Variants in SND1 observed in about 807,000 individuals in gnomAD.
The protein encoded by SND1 is staphylococcal nuclease and tudor domain containing 1, also known as staphylococcal nuclease domain-containing protein 1.
Under a neutral mutation model 121.7 loss-of-function variants are expected in SND1, and 38 were observed. The observed-to-expected ratio is 0.31, with a 90% CI of 0.24 to 0.41. The LOEUF (loss-of-function observed/expected upper bound fraction) is 0.41, where lower values mean the gene tolerates loss of function less well. Ranked by LOEUF, SND1 falls within the 10% of genes least tolerant of loss-of-function variation. The pLI is 1.00. For missense variants in SND1, 868 were observed against 1,184.6 expected, an observed-to-expected ratio of 0.73 and a Z score of 3.92; for synonymous variants, 401 against 447.4, an observed-to-expected ratio of 0.90 and a Z score of 1.31.
chr7:127,754,875 C>T (rs1053047527), intron 10 of SND1, among the ~76,000 whole-genome samples: 2 of 152,228 alleles, frequency 1.3e-5, no homozygotes, highest in African/African-American at 4.8e-5. Context: ...TGATTTTCAT[C>T]AGCATTAAAA....
chr7:127,940,280 TC>T (rs1801165197), intron 15 of SND1, among the ~76,000 whole-genome samples: 1 of 152,182 alleles, frequency 6.6e-6, no homozygotes, highest in Non-Finnish European at 1.5e-5. Context: ...CTTGTGGCTT[TC>T]CCAGAGGAAT....
chr7:128,061,548 A>G (rs1793231330), intron 16 of SND1, among the ~76,000 whole-genome samples: 1 of 152,234 alleles, frequency 6.6e-6, no homozygotes, highest in Non-Finnish European at 1.5e-5. Flanking sequence ...ATACGTTTCT[A>G]GGTCACAAAC....
chr7:127,871,854 G>A (rs1325222119), intron 12 of SND1, among the ~76,000 whole-genome samples: 2 of 152,104 alleles, frequency 1.3e-5, no homozygotes, highest in East Asian at 3.9e-4. Context: ...TTATAGGCTG[G>A]GAGGAGGGAC....
intron 3 of SND1, among the ~76,000 whole-genome samples, chr7:127,698,015 G>T (rs769104511): frequency 1.5e-4 from 23 of 152,146 alleles, no homozygotes; most frequent in Non-Finnish European, 3.1e-4. Context: ...AGAAAACACT[G>T]AGCCTGAAAG....
rs573978139 is a variant in SND1 at position 127,913,813 on chromosome 7, A to G, written c.1527+8994A>G. 9.9e-5 allele frequency among the ~76,000 whole-genome samples: 15 copies of G among 152,250 alleles called. No individual in the cohort carries two copies. In the South Asian group the frequency reaches 1.7e-3, roughly 17 times the overall value. On this transcript the variant is annotated intron_variant, in intron 14 of 23. Transcript: ENST00000354725. ...ATAACACTACTTAGCCTTGGATTGA[A>G]CTCATTGTGTCCTGTGGCTATTGCT...
chr7:128,003,459 C>G (rs1802885164), intron 16 of SND1, among the ~76,000 whole-genome samples: 1 of 152,072 alleles, frequency 6.6e-6, no homozygotes, highest in Non-Finnish European at 1.5e-5. Flanking sequence ...TTAATGGTTA[C>G]CAGAAAAGGA....
chr7:127,785,384 A>G (rs1490528867), intron 10 of SND1, among the ~76,000 whole-genome samples: 1 of 152,204 alleles, frequency 6.6e-6, no homozygotes, highest in African/African-American at 2.4e-5. Flanking sequence ...CAGAAGTGAT[A>G]TTGATTCATC....
rs576957155 is a variant in SND1, at chr7:127,782,286, A to T, written c.1153-25198A>T. ...CAGGCAGAAAAGGGAAGTTAATTTA[A>T]TAGGATCCTAATCACAATAGTGGTT... On this transcript the variant is annotated intron_variant, in intron 10 of 23. Coordinates refer to ENST00000354725, the MANE Select transcript of SND1 (RefSeq NM_014390.4). Among the ~76,000 whole-genome samples, 10 of 152,344 alleles carry T rather than the reference A, an allele frequency of 6.6e-5. No individual in the cohort carries two copies. The South Asian group carries it at 1.9e-3, about 28-fold the overall frequency.
chr7:127,758,526 T>C (rs1797240569), intron 10 of SND1, among the ~76,000 whole-genome samples: 2 of 152,228 alleles, frequency 1.3e-5, no homozygotes, highest in Admixed American at 1.3e-4. Flanking sequence ...ATATGACTAA[T>C]GGTTTTTTTT....
At chr7:127,906,076 T>C (rs141883959) in intron 14 of SND1, among the ~76,000 whole-genome samples, 99 of 152,274 alleles carry the variant, frequency 6.5e-4, no homozygotes, top group African/African-American at 2.1e-3. Flanking sequence ...TCTTAAACAA[T>C]GGGACTCTGT....
At chr7:127,959,704 G>A (rs1036774303) in intron 15 of SND1, among the ~76,000 whole-genome samples, 1 of 152,068 alleles carries the variant, frequency 6.6e-6, no homozygotes, top group South Asian at 2.1e-4. Context: ...ATCCAACATG[G>A]TATGCATTTT....
intron 12 of SND1, chr7:127,857,991 C>T: frequency 2.1e-6 from 3 of 1,456,198 alleles, no homozygotes. Flanking sequence ...GCCCATGCAG[C>T]TCGGCATCCC....
intron 9 of SND1, chr7:127,718,840 T>A: frequency 2.9e-6 from 2 of 688,846 alleles, no homozygotes; most frequent in Non-Finnish European, 1.8e-6. Flanking sequence ...ATATTTCTCG[T>A]GTCTTGATTA....
At chr7:127,654,436 G>A (rs548536900) in intron 1 of SND1, among the ~76,000 whole-genome samples, 1 of 152,236 alleles carries the variant, frequency 6.6e-6, no homozygotes, top group East Asian at 1.9e-4. Flanking sequence ...TGTCTGCCAC[G>A]GCACATGCTC....
intron 12 of SND1, among the ~76,000 whole-genome samples, chr7:127,856,043 G>A (rs191859048): frequency 6.2e-4 from 94 of 152,136 alleles, no homozygotes; most frequent in Admixed American, 2.7e-3. Context: ...TTTTCATGAC[G>A]GCAATTGCAT....
intron 10 of SND1, among the ~76,000 whole-genome samples, chr7:127,796,668 A>G (rs1798032863): frequency 6.6e-6 from 1 of 152,166 alleles, no homozygotes; most frequent in Non-Finnish European, 1.5e-5. Flanking sequence ...TAGATGCTGT[A>G]AAACTTAAGC....
At chr7:127,725,667 A>G (rs937220701) in intron 10 of SND1, among the ~76,000 whole-genome samples, 2 of 152,174 alleles carry the variant, frequency 1.3e-5, no homozygotes, top group Admixed American at 6.5e-5. Context: ...CTCTCTAATT[A>G]CAGGACTCTG....
chr7:128,038,120 C>T (rs1037019117), intron 16 of SND1, among the ~76,000 whole-genome samples: 1 of 152,212 alleles, frequency 6.6e-6, no homozygotes, highest in Non-Finnish European at 1.5e-5. Flanking sequence ...GATCATTAAT[C>T]CATGCCTATG....
At chr7:127,955,470 G>A (rs1264449395) in intron 15 of SND1, among the ~76,000 whole-genome samples, 2 of 152,156 alleles carry the variant, frequency 1.3e-5, no homozygotes, top group African/African-American at 4.8e-5. Context: ...GTCAGGGTGG[G>A]AAGCTACTTC....
Sources: gnomAD v4.1 joint callset for allele counts (sites outside exome capture counted in the v4.1 genomes callset) on GRCh38, gnomAD v4.1.1 for gene constraint, MANE v1.5 for transcripts, NCBI Gene and HGNC (gene_info 2026-07-23, HGNC 2026-07-21) for gene names.